SNX18: variants seen among roughly 807,000 people sequenced by gnomAD.
SNX18 encodes the protein sorting nexin-18.
Under a neutral mutation model 48.7 loss-of-function variants are expected in SNX18, and 35 were observed. The ratio of observed to expected loss-of-function variants is 0.72; its 90% CI spans 0.55 to 0.95. SNX18 has a LOEUF of 0.95. SNX18 is among the 40% of genes least tolerant of loss of function. The pLI is 0.00. For missense variants in SNX18, 824 were observed against 871.0 expected (o/e 0.95, Z 0.68); for synonymous variants, 492 against 384.7 (o/e 1.28, Z -3.26).
At chr5:54,637,854 G>C in the SNX18 span, among the ~76,000 whole-genome samples, 1 of 152,182 alleles carries the variant, frequency 6.6e-6, no homozygotes, top group African/African-American at 2.4e-5. Context: ...TTCCAGAAGA[G>C]CAAACCTAAG....
chr5:54,569,760 C>G, the SNX18 span, among the ~76,000 whole-genome samples: 2 of 152,034 alleles, frequency 1.3e-5, no homozygotes, highest in Non-Finnish European at 2.9e-5. Flanking sequence ...AGTGTTCTAC[C>G]TAGTGAATAA....
At chr5:54,569,869 G>A in the SNX18 span, among the ~76,000 whole-genome samples, 1 of 152,156 alleles carries the variant, frequency 6.6e-6, no homozygotes, top group Non-Finnish European at 1.5e-5. Context: ...TTCATGGGGA[G>A]GGGGCAAGAT....
downstream of SNX18, among the ~76,000 whole-genome samples, chr5:54,551,484 G>A (rs560543286): frequency 1.8e-4 from 27 of 152,246 alleles, no homozygotes; most frequent in African/African-American, 3.6e-4. Context: ...AACTAATTAC[G>A]TAAGATCCTG....
the SNX18 span, among the ~76,000 whole-genome samples, chr5:54,626,541 G>A: frequency 6.6e-6 from 1 of 152,216 alleles, no homozygotes; most frequent in African/African-American, 2.4e-5. Context: ...CTGATGCTTA[G>A]CTGGCTGTTT....
At chr5:54,577,500 G>A in the SNX18 span, among the ~76,000 whole-genome samples, 1 of 152,006 alleles carries the variant, frequency 6.6e-6, no homozygotes, top group East Asian at 1.9e-4. Context: ...TTTGGTAAGG[G>A]CTTACTTTAA....
At chr5:54,607,616 T>G in the SNX18 span, among the ~76,000 whole-genome samples, 1 of 152,174 alleles carries the variant, frequency 6.6e-6, no homozygotes, top group Non-Finnish European at 1.5e-5. Flanking sequence ...TTCTGGCCTT[T>G]CCACTTTTTA....
Position 54,518,705 on chromosome 5 carries a change from C to T in SNX18, c.753C>T (p.Phe251=). ...TCGTGCTGGGGGAGGCGTCAGGCTT[C>T]GTGAAGGACGGGGACAAGCTGTGCG... ...EAFVLGEASG[F]VKDGDKLCVV... is the part of the protein sequence containing the mutation. The change falls in exon 1 of 2, where the codon TTC becomes TTT. Residue 251 remains phenylalanine (F), a synonymous_variant. Coordinates refer to ENST00000381410, the MANE Select transcript of SNX18 (RefSeq NM_001102575.2). The T allele has an allele frequency of 3.8e-6, 6 of 1,585,294 alleles. No homozygotes were observed. The highest frequency in any genetic ancestry group is 5.1e-6 in the Non-Finnish European group (6 of 1,166,112).
chr5:54,621,193 C>T, the SNX18 span, among the ~76,000 whole-genome samples: 1 of 152,190 alleles, frequency 6.6e-6, no homozygotes, highest in African/African-American at 2.4e-5. Context: ...CACAGGCACT[C>T]TGACCTGGGT....
At chr5:54,575,820 C>T in the SNX18 span, among the ~76,000 whole-genome samples, 7 of 152,152 alleles carry the variant, frequency 4.6e-5, no homozygotes, top group Non-Finnish European at 1.0e-4. Context: ...CCTTGTCTGC[C>T]ATTAGTTTTA....
chr5:54,554,158 G>T, the SNX18 span, among the ~76,000 whole-genome samples: 1 of 152,172 alleles, frequency 6.6e-6, no homozygotes, highest in Non-Finnish European at 1.5e-5. Context: ...TGCTACCATT[G>T]TTTGTCTTCT....
the SNX18 span, among the ~76,000 whole-genome samples, chr5:54,579,632 T>C: frequency 6.6e-6 from 1 of 152,218 alleles, no homozygotes; most frequent in Non-Finnish European, 1.5e-5. Context: ...TGTGAGAGTC[T>C]AGTAAACAGG....
At chr5:54,565,575 A>T in the SNX18 span, among the ~76,000 whole-genome samples, 1 of 152,206 alleles carries the variant, frequency 6.6e-6, no homozygotes, top group East Asian at 1.9e-4. Flanking sequence ...CTTGTCTTAA[A>T]AAAAAAAGTA....
chr5:54,646,908 G>GC, the SNX18 span, among the ~76,000 whole-genome samples: 1 of 152,200 alleles, frequency 6.6e-6, no homozygotes. Context: ...AGCCCTCCCA[G>GC]CTGTGCTGCC....
the SNX18 span, among the ~76,000 whole-genome samples, chr5:54,624,562 T>C: frequency 3.9e-5 from 6 of 152,202 alleles, no homozygotes; most frequent in African/African-American, 1.4e-4. Context: ...CGTATTTTAG[T>C]ACTTCAGGGA....
chr5:54,596,587 A>G, the SNX18 span, among the ~76,000 whole-genome samples: 6 of 152,202 alleles, frequency 3.9e-5, no homozygotes, highest in Admixed American at 3.9e-4. Flanking sequence ...CCATAGCAGC[A>G]GAGGCCATCT....
chr5:54,630,277 C>T, the SNX18 span, among the ~76,000 whole-genome samples: 1 of 152,196 alleles, frequency 6.6e-6, no homozygotes, highest in African/African-American at 2.4e-5. Flanking sequence ...ACTACTTACA[C>T]AGGATGGCTT....
At chr5:54,587,556 C>T in the SNX18 span, among the ~76,000 whole-genome samples, 9 of 152,112 alleles carry the variant, frequency 5.9e-5, no homozygotes, top group African/African-American at 1.9e-4. Flanking sequence ...CCTTTCTCTC[C>T]GTGGTGCCCA....
the SNX18 span, among the ~76,000 whole-genome samples, chr5:54,637,610 G>T: frequency 6.6e-6 from 1 of 152,164 alleles, no homozygotes; most frequent in African/African-American, 2.4e-5. Context: ...CAACAAAAAT[G>T]ATAATTGAGG....
chr5:54,628,888 C>T, the SNX18 span, among the ~76,000 whole-genome samples: 3 of 152,218 alleles, frequency 2.0e-5, no homozygotes, highest in East Asian at 1.9e-4. Flanking sequence ...TGCAAGTCTA[C>T]TCCTGTGTCT....
Sources: allele counts gnomAD v4.1 joint callset (sites outside exome capture counted in the v4.1 genomes callset), GRCh38; gene constraint gnomAD v4.1.1; transcripts MANE v1.5; gene names NCBI Gene and HGNC (gene_info 2026-07-23, HGNC 2026-07-21).